SP100: variants seen among roughly 807,000 people sequenced by gnomAD.
The protein encoded by SP100 is SP100 nuclear body protein.
A neutral mutation model predicts 130.0 loss-of-function variants in SP100; 84 were observed. The observed-to-expected ratio is 0.65, with a 90% CI of 0.54 to 0.77. SP100 has a LOEUF of 0.77. SP100 is among the 30% of genes least tolerant of loss of function. The pLI, the probability that SP100 is intolerant of heterozygous loss-of-function variation, is 0.00. For missense variants in SP100, 978 were observed against 1,052.2 expected (o/e 0.93, Z 0.97); for synonymous variants, 331 against 351.7 (o/e 0.94, Z 0.66).
intron 17 of SP100, among the ~76,000 whole-genome samples, chr2:230,487,271 CTA>C (rs1247950641): frequency 5.3e-5 from 8 of 152,146 alleles, no homozygotes; most frequent in Non-Finnish European, 1.0e-4. Context: ...AGTGTTTTGC[CTA>C]TGTTTTCTTC....
At chr2:230,425,346 T>C (rs2149864847) in intron 2 of SP100, among the ~76,000 whole-genome samples, 1 of 149,804 alleles carries the variant, frequency 6.7e-6, no homozygotes, top group East Asian at 1.9e-4. Flanking sequence ...ACCCTCTGTT[T>C]CTATGATTCA....
At position 230,436,906 on chromosome 2, in the gene SP100, G is replaced by A. The variant is rs565580630; in HGVS notation, c.108-6031G>A. ...CACACATATATGTGTATACACACAC[G>A]CATATATGTGTATACACACAAGTGT... On this transcript the variant is annotated intron_variant, in intron 2 of 28. Transcript: ENST00000340126. 7.1e-3 allele frequency among the ~76,000 whole-genome samples: 482 copies of A among 67,792 alleles called. 3 individuals are homozygous for A. Among genetic ancestry groups the A allele is most frequent in the African/African-American group, 0.021 (348 of 16,624 alleles). 44.5% of individuals were successfully genotyped at this position (67,792 alleles called of 152,430 possible). A position where few individuals can be genotyped will look rare whatever the true frequency, so the allele number is the denominator to read the frequency against.
intron 12 of SP100, 95 bp downstream of exon 12, chr2:230,466,449 C>A: frequency 1.4e-6 from 1 of 733,876 alleles, no homozygotes; most frequent in Non-Finnish European, 2.4e-6. Flanking sequence ...CAGTCTAATT[C>A]CTTGCTATAT....
chr2:230,475,053 G>T (rs141962811), intron 17 of SP100, among the ~76,000 whole-genome samples: 6 of 151,952 alleles, frequency 3.9e-5, no homozygotes, highest in African/African-American at 2.4e-5. Context: ...TATACCTAAA[G>T]GTAGTGGGAT....
At chr2:230,493,573 G>A (rs1301463069) in intron 17 of SP100, among the ~76,000 whole-genome samples, 1 of 151,830 alleles carries the variant, frequency 6.6e-6, no homozygotes, top group Non-Finnish European at 1.5e-5. Flanking sequence ...ACCTATTTCT[G>A]TAATCTATGT....
chr2:230,496,502 G>T (rs548676797), intron 18 of SP100, among the ~76,000 whole-genome samples: 1 of 152,170 alleles, frequency 6.6e-6, no homozygotes, highest in African/African-American at 2.4e-5. Flanking sequence ...ACAGGAGCAG[G>T]AATGGTCCTC....
At chr2:230,538,685 G>A (rs1439101030) in intron 24 of SP100, 2 of 152,452 alleles carry the variant, frequency 1.3e-5, no homozygotes, top group Admixed American at 6.5e-5. Flanking sequence ...AGAGCAAAAA[G>A]CAAAAAGCCC....
intron 17 of SP100, among the ~76,000 whole-genome samples, chr2:230,479,096 C>T (rs2065706506): frequency 6.6e-6 from 1 of 152,224 alleles, no homozygotes. Context: ...GCTGGGATTA[C>T]AGGCGCGAGC....
intron 28 of SP100, 73 bp from the exon 29 acceptor site, chr2:230,542,763 C>G: frequency 1.2e-6 from 1 of 822,278 alleles, no homozygotes. Flanking sequence ...AATGAGGCCC[C>G]AGATTATCTG....
intron 17 of SP100, among the ~76,000 whole-genome samples, chr2:230,489,289 A>G (rs868606384): frequency 6.6e-6 from 1 of 151,268 alleles, no homozygotes; most frequent in Non-Finnish European, 1.5e-5. Flanking sequence ...TTTCTTCTAG[A>G]TTTTCTAGTT....
intron 18 of SP100, among the ~76,000 whole-genome samples, chr2:230,496,271 A>C (rs1436423254): frequency 6.6e-6 from 1 of 152,232 alleles, no homozygotes; most frequent in African/African-American, 2.4e-5. Context: ...CAATGGATGA[A>C]GTCTTAGGTA....
intron 24 of SP100, among the ~76,000 whole-genome samples, chr2:230,528,739 A>G (rs1691553971): frequency 6.6e-6 from 1 of 152,244 alleles, no homozygotes; most frequent in South Asian, 2.1e-4. Flanking sequence ...AAAATGATAC[A>G]GGGGATATCA....
chr2:230,537,384 ACT>A (rs1233709212), intron 24 of SP100, among the ~76,000 whole-genome samples: 2 of 151,850 alleles, frequency 1.3e-5, no homozygotes, highest in Non-Finnish European at 1.5e-5. Flanking sequence ...ATCAATCCAC[ACT>A]GTTTCTGTTT....
intron 21 of SP100, among the ~76,000 whole-genome samples, 157 bp downstream of exon 21, chr2:230,504,447 T>G (rs552489291): frequency 6.6e-6 from 1 of 152,244 alleles, no homozygotes; most frequent in East Asian, 1.9e-4. Flanking sequence ...CATCATCACA[T>G]TTACAGCTAG....
At chr2:230,480,021 A>C (rs1314146388) in intron 17 of SP100, among the ~76,000 whole-genome samples, 1 of 152,170 alleles carries the variant, frequency 6.6e-6, no homozygotes, top group Non-Finnish European at 1.5e-5. Flanking sequence ...TTCTACATAA[A>C]ATAACACATC....
intron 24 of SP100, among the ~76,000 whole-genome samples, chr2:230,535,577 A>G (rs1193184025): frequency 2.6e-5 from 4 of 152,138 alleles, no homozygotes; most frequent in Non-Finnish European, 5.9e-5. Context: ...TGTGAATATT[A>G]TTAATTCATG....
At chr2:230,526,843 A>G (rs139607790) in intron 24 of SP100, among the ~76,000 whole-genome samples, 9,587 of 152,244 alleles carry the variant, frequency 0.063, 390 homozygotes, top group Middle Eastern at 0.11. Flanking sequence ...AGATCAAATT[A>G]ATGAAATAAA....
chr2:230,439,932 T>G (rs1215641740), intron 2 of SP100, among the ~76,000 whole-genome samples: 1 of 152,158 alleles, frequency 6.6e-6, no homozygotes, highest in African/African-American at 2.4e-5. Flanking sequence ...TATTTTTATT[T>G]TCAGTGTTAC....
At chr2:230,513,889 T>C (rs375066031) in intron 24 of SP100, among the ~76,000 whole-genome samples, 1 of 152,272 alleles carries the variant, frequency 6.6e-6, no homozygotes, top group African/African-American at 2.4e-5. Flanking sequence ...TCAGAAGTAA[T>C]GGTGAAAACT....
Sources: allele counts gnomAD v4.1 joint callset (sites outside exome capture counted in the v4.1 genomes callset), GRCh38; gene constraint gnomAD v4.1.1; transcripts MANE v1.5; gene names NCBI Gene and HGNC (gene_info 2026-07-23, HGNC 2026-07-21).